Variants in NLGN1 observed in about 807,000 individuals in gnomAD.
The protein encoded by NLGN1 is neuroligin-1.
NLGN1 carries 12 observed loss-of-function variants against 65.5 expected under a neutral mutation model. That is an observed-to-expected ratio of 0.18 (90% confidence interval 0.12 to 0.30). NLGN1 has a LOEUF of 0.30. NLGN1 is among the 10% of genes least tolerant of loss of function. The probability of loss-of-function intolerance (pLI) is 1.00; values close to 1 mark genes in which losing one functional copy is unlikely to be tolerated. For missense variants in NLGN1, 750 were observed against 1,007.1 expected (o/e 0.74, Z 3.46); for synonymous variants, 350 against 359.5 (o/e 0.97, Z 0.30).
chr3:174,244,293 A>G (rs1743398621), intron 4 of NLGN1, among the ~76,000 whole-genome samples: 1 of 152,208 alleles, frequency 6.6e-6, no homozygotes, highest in Non-Finnish European at 1.5e-5. Flanking sequence ...CTTCCTGTTT[A>G]ATTTGTGGGA....
rs188437043 is a variant in NLGN1, at chr3:173,802,931, C to T, written c.494-4749C>T. 1.3e-3 allele frequency among the ~76,000 whole-genome samples: 193 copies of T among 151,984 alleles called. 1 individual carries two copies. Among genetic ancestry groups the T allele is most frequent in the African/African-American group, 4.3e-3 (180 of 41,434 alleles). ...CTTGGCTCACTGCAACCTCCGCCCT[C>T]GTGTTCAAGCAAGCAATTCTCCTGC... is the stretch of plus-strand genomic sequence containing the variant. On this transcript the variant is annotated intron_variant, in intron 3 of 6. Coordinates refer to ENST00000457714, the Ensembl canonical transcript of NLGN1.
chr3:173,649,883 G>C (rs926545982), intron 3 of NLGN1, among the ~76,000 whole-genome samples: 1 of 151,802 alleles, frequency 6.6e-6, no homozygotes, highest in Non-Finnish European at 1.5e-5. Flanking sequence ...AAAAAATATA[G>C]TTTTTCAAAA....
chr3:173,856,972 A>C (rs1254037563), intron 4 of NLGN1, among the ~76,000 whole-genome samples: 1 of 151,876 alleles, frequency 6.6e-6, no homozygotes, highest in Non-Finnish European at 1.5e-5. Flanking sequence ...ATGCCAGGAA[A>C]TTGAAGAAGC....
At chr3:174,056,413 T>G (rs545754516) in intron 4 of NLGN1, among the ~76,000 whole-genome samples, 2 of 152,140 alleles carry the variant, frequency 1.3e-5, no homozygotes, top group South Asian at 4.1e-4. Context: ...TTCATTGAAT[T>G]GTATGTCATA....
At chr3:174,070,569 A>G (rs1049430415) in intron 4 of NLGN1, among the ~76,000 whole-genome samples, 1 of 152,030 alleles carries the variant, frequency 6.6e-6, no homozygotes, top group Non-Finnish European at 1.5e-5. Context: ...TGACCTTGTG[A>G]TCTGCCCACC....
chr3:173,547,832 C>T (rs1011318708), intron 2 of NLGN1, among the ~76,000 whole-genome samples: 2 of 151,992 alleles, frequency 1.3e-5, no homozygotes, highest in Admixed American at 6.6e-5. Flanking sequence ...TCTGGGCCAG[C>T]AGGAAGGAGT....
intron 3 of NLGN1, among the ~76,000 whole-genome samples, chr3:173,631,079 T>A (rs779306231): frequency 1.3e-5 from 2 of 152,126 alleles, no homozygotes; most frequent in Non-Finnish European, 2.9e-5. Context: ...GATTGGTAAC[T>A]GTGTGGGTAG....
At chr3:173,602,407 A>G (rs1750691728) in intron 2 of NLGN1, among the ~76,000 whole-genome samples, 1 of 152,012 alleles carries the variant, frequency 6.6e-6, no homozygotes, top group African/African-American at 2.4e-5. Flanking sequence ...CAAACATACA[A>G]CATGTAAAAT....
intron 2 of NLGN1, among the ~76,000 whole-genome samples, chr3:173,482,973 A>G (rs1727547194): frequency 6.6e-6 from 1 of 152,018 alleles, no homozygotes; most frequent in Non-Finnish European, 1.5e-5. Context: ...AATGTGTTAT[A>G]GATCTCGTAA....
At chr3:174,254,008 A>C (rs1009490908) in intron 4 of NLGN1, among the ~76,000 whole-genome samples, 6 of 152,204 alleles carry the variant, frequency 3.9e-5, no homozygotes, top group Non-Finnish European at 8.8e-5. Context: ...GGAATCCAAA[A>C]GCCAAAAATT....
intron 3 of NLGN1, among the ~76,000 whole-genome samples, chr3:173,703,175 C>A (rs548243734): frequency 6.6e-6 from 1 of 151,578 alleles, no homozygotes; most frequent in African/African-American, 2.4e-5. Flanking sequence ...TTATATTAAC[C>A]GAAGTTACAT....
At chr3:173,844,771 ATTGACTTTCTCATTCAT>A (rs1725427480) in intron 4 of NLGN1, among the ~76,000 whole-genome samples, 1 of 152,226 alleles carries the variant, frequency 6.6e-6, no homozygotes, top group Non-Finnish European at 1.5e-5. Context: ...ATGATCATTC[ATTGACTTTCTCATTCAT>A]TTGACAAATT....
chr3:173,963,766 G>A (rs371026945), intron 4 of NLGN1, among the ~76,000 whole-genome samples: 1 of 152,144 alleles, frequency 6.6e-6, no homozygotes, highest in East Asian at 1.9e-4. Context: ...AAGTTCAAAA[G>A]GTGTCTAATT....
rs570640343 is a variant in NLGN1, at chr3:174,200,502, T to C, written c.647-74813T>C. 6.6e-5 allele frequency among the ~76,000 whole-genome samples: 10 copies of C among 152,312 alleles called. 1 individual carries two copies. In the South Asian group the frequency reaches 2.1e-3, roughly 32 times the overall value. ...TTAAATGCTTTGAGAGGTAAAAGAT[T>C]CATCAGACACAGATTGTTCACTGGA... On this transcript the variant is annotated intron_variant, in intron 4 of 6. Coordinates refer to ENST00000457714, the Ensembl canonical transcript of NLGN1.
intron 2 of NLGN1, among the ~76,000 whole-genome samples, chr3:173,538,328 A>G (rs1469990152): frequency 6.6e-6 from 1 of 152,170 alleles, no homozygotes; most frequent in Non-Finnish European, 1.5e-5. Flanking sequence ...GGTGGTGGGA[A>G]ACATATAAAA....
At chr3:174,234,656 G>A (rs1414747744) in intron 4 of NLGN1, among the ~76,000 whole-genome samples, 5 of 152,100 alleles carry the variant, frequency 3.3e-5, no homozygotes, top group Non-Finnish European at 5.9e-5. Flanking sequence ...TTATTTTAGA[G>A]AAACAATGTA....
intron 1 of NLGN1, among the ~76,000 whole-genome samples, chr3:173,416,319 A>T (rs520370): frequency 0.29 from 43,899 of 151,996 alleles, 6,692 homozygotes; most frequent in Middle Eastern, 0.4. Flanking sequence ...TCTTCCTCAT[A>T]GAATGAGAGG....
chr3:173,475,767 T>C (rs1362561700), intron 2 of NLGN1, among the ~76,000 whole-genome samples: 1 of 152,194 alleles, frequency 6.6e-6, no homozygotes, highest in African/African-American at 2.4e-5. Flanking sequence ...ACATCACTCT[T>C]AATCAGATTT....
chr3:173,797,783 C>T (rs1003834295), intron 3 of NLGN1, among the ~76,000 whole-genome samples: 1 of 151,806 alleles, frequency 6.6e-6, no homozygotes, highest in East Asian at 1.9e-4. Flanking sequence ...ATATACTGTC[C>T]ATGACTTCTC....
Sources: gnomAD v4.1 joint callset for allele counts (sites outside exome capture counted in the v4.1 genomes callset) on GRCh38, gnomAD v4.1.1 for gene constraint, MANE v1.5 for transcripts, NCBI Gene and HGNC (gene_info 2026-07-23, HGNC 2026-07-21) for gene names.